GRID2: variants seen among roughly 807,000 people sequenced by gnomAD.
GRID2 encodes the protein glutamate receptor ionotropic, delta-2.
A neutral mutation model predicts 114.8 loss-of-function variants in GRID2; 33 were observed. The observed-to-expected ratio is 0.29, with a 90% CI of 0.22 to 0.38. The LOEUF (loss-of-function observed/expected upper bound fraction) is 0.38, where lower values mean the gene tolerates loss of function less well. GRID2 is among the 10% of genes least tolerant of loss of function. GRID2 has a pLI of 1.00. For missense variants in GRID2, 1,184 were observed against 1,257.7 expected (o/e 0.94, Z 0.89); for synonymous variants, 505 against 449.9 (o/e 1.12, Z -1.55).
At chr4:93,360,309 G>A (rs956374765) in intron 8 of GRID2, among the ~76,000 whole-genome samples, 1 of 151,388 alleles carries the variant, frequency 6.6e-6, no homozygotes, top group East Asian at 1.9e-4. Flanking sequence ...TCTCTATCTT[G>A]CGAAATAATG....
chr4:92,795,492 A>G (rs1739819045), intron 2 of GRID2, among the ~76,000 whole-genome samples: 1 of 151,928 alleles, frequency 6.6e-6, no homozygotes, highest in African/African-American at 2.4e-5. Flanking sequence ...GTATGTCTTT[A>G]TCAGTAGCCT....
At chr4:92,418,137 G>A (rs972018931) in intron 1 of GRID2, among the ~76,000 whole-genome samples, 7 of 152,110 alleles carry the variant, frequency 4.6e-5, no homozygotes, top group South Asian at 2.1e-4. Flanking sequence ...AAGAGTCTGA[G>A]GTAGATTTGG....
intron 2 of GRID2, among the ~76,000 whole-genome samples, chr4:92,990,279 A>G (rs1458435113): frequency 8.3e-5 from 8 of 96,922 alleles, no homozygotes; most frequent in Non-Finnish European, 1.7e-4. Flanking sequence ...GTACGTAGAT[A>G]TGTGTGTGTA....
At chr4:93,475,579 AT>A (rs1725245268) in intron 11 of GRID2, among the ~76,000 whole-genome samples, 1 of 152,218 alleles carries the variant, frequency 6.6e-6, no homozygotes, top group Admixed American at 6.5e-5. Context: ...TTGAAAATGT[AT>A]TGGCATTCTC....
intron 1 of GRID2, among the ~76,000 whole-genome samples, chr4:92,563,871 A>G (rs745497022): frequency 5.3e-5 from 8 of 152,032 alleles, no homozygotes; most frequent in Non-Finnish European, 1.0e-4. Context: ...AATACCTATC[A>G]GTGCGCACTC....
At chr4:93,043,582 A>G (rs1725812652) in intron 2 of GRID2, among the ~76,000 whole-genome samples, 1 of 152,196 alleles carries the variant, frequency 6.6e-6, no homozygotes. Context: ...AGGTTCACAG[A>G]ACACATAGGT....
rs188346674 is a variant in GRID2, at chr4:92,928,804, T to G, written c.245-156191T>G. On this transcript the variant is annotated intron_variant, in intron 2 of 15. Transcript: ENST00000282020. ...CAAGTGGCAAAATTTCTAGTGATTT[T>G]GTGGTTTACAGAATTCAGTTGAGGT... Among the ~76,000 whole-genome samples, 123 of 151,702 alleles carry G rather than the reference T, an allele frequency of 8.1e-4. 1 individual carries two copies. Among genetic ancestry groups the G allele is most frequent in the Admixed American group, 6.5e-3 (98 of 15,152 alleles).
At chr4:93,132,064 TTATAAG>T (rs895844938) in intron 4 of GRID2, among the ~76,000 whole-genome samples, 4 of 152,108 alleles carry the variant, frequency 2.6e-5, no homozygotes, top group Non-Finnish European at 5.9e-5. Flanking sequence ...CAATAAAAAA[TTATAAG>T]TATAATTTAA....
chr4:92,760,595 A>G (rs1187334684), intron 2 of GRID2, among the ~76,000 whole-genome samples: 2 of 152,074 alleles, frequency 1.3e-5, no homozygotes, highest in Non-Finnish European at 2.9e-5. Context: ...AGCTCTCCCA[A>G]TTCCTACTCC....
intron 2 of GRID2, among the ~76,000 whole-genome samples, chr4:93,061,809 C>T (rs555217843): frequency 6.6e-6 from 1 of 152,266 alleles, no homozygotes; most frequent in East Asian, 1.9e-4. Flanking sequence ...AAGTGTATGA[C>T]TTCTTAGACA....
chr4:92,861,574 T>C (rs1209499378), intron 2 of GRID2, among the ~76,000 whole-genome samples: 1 of 152,130 alleles, frequency 6.6e-6, no homozygotes, highest in Non-Finnish European at 1.5e-5. Flanking sequence ...TTTATTGTCA[T>C]TGCTTTTTTA....
intron 2 of GRID2, among the ~76,000 whole-genome samples, chr4:92,743,714 T>G (rs1737008588): frequency 6.6e-6 from 1 of 152,174 alleles, no homozygotes; most frequent in South Asian, 2.1e-4. Context: ...GCATTTTACA[T>G]AAGGTTGTAT....
chr4:92,944,011 A>T (rs544566083), intron 2 of GRID2, among the ~76,000 whole-genome samples: 44 of 152,312 alleles, frequency 2.9e-4, no homozygotes, highest in Non-Finnish European at 5.0e-4. Flanking sequence ...GGTGCCTCCC[A>T]GTTAGGCTAC....
At chr4:92,958,755 T>TATA (rs1752597585) in intron 2 of GRID2, among the ~76,000 whole-genome samples, 1 of 152,046 alleles carries the variant, frequency 6.6e-6, no homozygotes, top group Non-Finnish European at 1.5e-5. Context: ...TATAATTTCT[T>TATA]CCTTGAATGT....
chr4:93,207,463 G>T lies in GRID2; in HGVS notation c.789+6G>T. On this transcript the variant is annotated splice_donor_region_variant and intron_variant, in intron 5 of 15. Coordinates refer to ENST00000282020, the MANE Select transcript of GRID2 (RefSeq NM_001510.4). ...ACTGGATCATTATAAATGAGGTAAAGCCAACTAAACCTTATTGTTAACTCT... is the reference window on the plus strand; with the variant it reads ...ACTGGATCATTATAAATGAGGTAAATCCAACTAAACCTTATTGTTAACTCT... The T allele has an allele frequency of 6.4e-7, 1 of 1,555,314 alleles. No homozygotes were observed. Among genetic ancestry groups the T allele is most frequent in the Non-Finnish European group, 8.9e-7 (1 of 1,127,718 alleles).
rs570994716 is a variant in GRID2 at position 92,387,231 on chromosome 4, A to G, written c.88+82487A>G. ...CTCTAGAAACACAGAAAAGGCAGAG[A>G]AAAAAAAAGATTTGGAGTTGTTATC... On this transcript the variant is annotated intron_variant, in intron 1 of 15. Transcript: ENST00000282020. 3.3e-5 allele frequency among the ~76,000 whole-genome samples: 5 copies of G among 151,300 alleles called. No individual in the cohort carries two copies. The South Asian group carries it at 1.0e-3, about 32-fold the overall frequency.
At chr4:92,731,928 T>A (rs769111862) in intron 2 of GRID2, among the ~76,000 whole-genome samples, 62 of 151,976 alleles carry the variant, frequency 4.1e-4, no homozygotes, top group Non-Finnish European at 8.0e-4. Context: ...GTAGTGGAAT[T>A]GCATTTTTTA....
At chr4:93,501,216 C>G (rs144670304) in intron 12 of GRID2, among the ~76,000 whole-genome samples, 2 of 152,040 alleles carry the variant, frequency 1.3e-5, no homozygotes, top group Non-Finnish European at 2.9e-5. Context: ...ATTTCTTTGT[C>G]CTATTATTCC....
rs140906470 is a variant in GRID2 at position 93,209,405 on chromosome 4, C to G, written c.789+1948C>G. Among the ~76,000 whole-genome samples, 28 of 152,134 alleles carry G rather than the reference C, an allele frequency of 1.8e-4. No homozygotes were observed. In the East Asian group the frequency reaches 5.2e-3, roughly 28 times the overall value. ...GAGGAAAATGGCTTCCAGCTCCATTCATATTTCTGCGAAGGACATATCATT... is the reference window on the plus strand; with the variant it reads ...GAGGAAAATGGCTTCCAGCTCCATTGATATTTCTGCGAAGGACATATCATT... On this transcript the variant is annotated intron_variant, in intron 5 of 15. Transcript: ENST00000282020.
Sources: gnomAD v4.1 joint callset for allele counts (sites outside exome capture counted in the v4.1 genomes callset) on GRCh38, gnomAD v4.1.1 for gene constraint, MANE v1.5 for transcripts, NCBI Gene and HGNC (gene_info 2026-07-23, HGNC 2026-07-21) for gene names.